Variants in FLVCR1 observed in about 807,000 individuals in gnomAD.
The protein encoded by FLVCR1 is choline/ethanolamine transporter FLVCR1.
In FLVCR1, 34 loss-of-function variants were observed where a neutral mutation model predicts 53.6. The observed-to-expected ratio is 0.63, with a 90% CI of 0.48 to 0.84. The LOEUF (loss-of-function observed/expected upper bound fraction) is 0.84, where lower values mean the gene tolerates loss of function less well. Ranked by LOEUF, FLVCR1 falls within the 40% of genes least tolerant of loss-of-function variation. The probability of loss-of-function intolerance (pLI) is 0.00; values close to 1 mark genes in which losing one functional copy is unlikely to be tolerated. For missense variants in FLVCR1, 677 were observed against 696.7 expected (o/e 0.97, Z 0.32); for synonymous variants, 300 against 286.3 (o/e 1.05, Z -0.48).
intron 3 of FLVCR1, among the ~76,000 whole-genome samples, chr1:212,878,067 G>A (rs956834669): frequency 1.3e-5 from 2 of 152,114 alleles, no homozygotes; most frequent in Admixed American, 1.3e-4. Flanking sequence ...ACTACATATT[G>A]TCTATAGCTG....
intron 8 of FLVCR1, 96 bp from the exon 9 acceptor site, chr1:212,894,890 G>A (rs1665292358): frequency 1.2e-6 from 1 of 808,308 alleles, no homozygotes; most frequent in African/African-American, 1.7e-5. Flanking sequence ...ACACTACAGT[G>A]CATTAAATTT....
chr1:212,887,352 A>C (rs999409339), intron 5 of FLVCR1, among the ~76,000 whole-genome samples: 2 of 152,170 alleles, frequency 1.3e-5, no homozygotes. Flanking sequence ...TCATTCACCA[A>C]ACTCCTGTTG....
intron 1 of FLVCR1, among the ~76,000 whole-genome samples, chr1:212,859,524 C>G (rs1209938044): frequency 6.6e-6 from 1 of 152,070 alleles, no homozygotes; most frequent in Non-Finnish European, 1.5e-5. Context: ...TCCAGACCAG[C>G]CTGGGCAACA....
intron 2 of FLVCR1, among the ~76,000 whole-genome samples, chr1:212,867,587 C>T (rs7544198): frequency 0.23 from 34,304 of 151,900 alleles, 4,512 homozygotes; most frequent in East Asian, 0.45. Flanking sequence ...ATTTTTTGTT[C>T]GAATTCAGAT....
Position 212,887,871 on chromosome 1 carries a change from C to CT in FLVCR1, c.1197-17dup, listed in dbSNP as rs764296612. On this transcript the variant is annotated intron_variant, in intron 5 of 9. Coordinates refer to ENST00000366971, the MANE Select transcript of FLVCR1 (RefSeq NM_014053.4). ...GGAGAATCAGACAAAATACTAACAGCTTTGTTGTTTTTGTTTTAGACAGAC... is the reference window on the plus strand; with the variant it reads ...GGAGAATCAGACAAAATACTAACAGCTTTTGTTGTTTTTGTTTTAGACAGAC... The CT allele has an allele frequency of 4.0e-6, 5 of 1,258,010 alleles. No individual in the cohort carries two copies. Among genetic ancestry groups the CT allele is most frequent in the Non-Finnish European group, 5.8e-6 (5 of 858,626 alleles). 77.9% of individuals were successfully genotyped at this position (1,258,010 alleles called of 1,614,324 possible).
At chr1:212,860,016 CT>C (rs1205575195) in intron 1 of FLVCR1, among the ~76,000 whole-genome samples, 2 of 151,978 alleles carry the variant, frequency 1.3e-5, no homozygotes, top group Non-Finnish European at 2.9e-5. Context: ...GGCGTGGTGG[CT>C]CACGCCTGTA....
At chr1:212,887,857 C>A in intron 5 of FLVCR1, 34 bp from the exon 6 acceptor site, 1 of 1,157,314 alleles carries the variant, frequency 8.6e-7, no homozygotes, top group Non-Finnish European at 1.3e-6. Flanking sequence ...GAGAATCAGA[C>A]AAAATACTAA....
At chr1:212,887,862 T>C in intron 5 of FLVCR1, 29 bp from the exon 6 acceptor site, 1 of 1,177,520 alleles carries the variant, frequency 8.5e-7, no homozygotes, top group Non-Finnish European at 1.3e-6. Context: ...TCAGACAAAA[T>C]ACTAACAGCT....
chr1:212,883,295 T>C lies in FLVCR1; in HGVS notation c.1025-76T>C, dbSNP rs920718884. ...TATTCCATGTCACTTCATGAACTGGTAAATGACACACTTTTAGTATTCTCT... is the reference window on the plus strand; with the variant it reads ...TATTCCATGTCACTTCATGAACTGGCAAATGACACACTTTTAGTATTCTCT... On this transcript the variant is annotated intron_variant, in intron 3 of 9. Transcript: ENST00000366971. 1.1e-5 allele frequency: 9 copies of C among 816,152 alleles called. No homozygotes were observed. The African/African-American group carries it at 1.5e-4, about 14-fold the overall frequency. The allele number at this position is 816,152 out of a possible 1,614,324, so 50.6% of individuals were successfully genotyped here.
chr1:212,881,350 T>C (rs1437869961), intron 3 of FLVCR1, among the ~76,000 whole-genome samples: 1 of 150,640 alleles, frequency 6.6e-6, no homozygotes, highest in Non-Finnish European at 1.5e-5. Flanking sequence ...CGAATTTCTT[T>C]TTTTTTGAGA....
chr1:212,874,193 G>A (rs1027199454), intron 3 of FLVCR1, among the ~76,000 whole-genome samples: 6 of 152,142 alleles, frequency 3.9e-5, no homozygotes, highest in African/African-American at 1.4e-4. Context: ...ATTTTTAGTA[G>A]AGAAGGGGTT....
intron 2 of FLVCR1, among the ~76,000 whole-genome samples, chr1:212,872,279 C>T (rs41296738): frequency 9.3e-4 from 141 of 152,178 alleles, no homozygotes; most frequent in African/African-American, 3.3e-3. Context: ...TGTGCCCAGC[C>T]TTCATGTTTA....
At chr1:212,885,645 G>A (rs981351581) in intron 5 of FLVCR1, 49 of 354,852 alleles carry the variant, frequency 1.4e-4, no homozygotes, top group African/African-American at 1.0e-3. Context: ...CTGTCTCCCG[G>A]CTTCACGCCA....
intron 3 of FLVCR1, among the ~76,000 whole-genome samples, chr1:212,879,111 C>T (rs1664851262): frequency 6.6e-6 from 1 of 152,170 alleles, no homozygotes; most frequent in Non-Finnish European, 1.5e-5. Flanking sequence ...TTAATCCTTA[C>T]AGGACCACTG....
chr1:212,859,226 T>G, intron 1 of FLVCR1, 36 bp downstream of exon 1: 1 of 1,613,456 alleles, frequency 6.2e-7, no homozygotes. Flanking sequence ...GTCAGATCCT[T>G]AAAAGACCGG....
At chr1:212,879,898 G>T (rs1316597158) in intron 3 of FLVCR1, among the ~76,000 whole-genome samples, 1 of 151,730 alleles carries the variant, frequency 6.6e-6, no homozygotes, top group Admixed American at 6.6e-5. Context: ...GAGAAAAGAT[G>T]ATTCCTTACT....
At chr1:212,893,562 G>A (rs766554357) in intron 8 of FLVCR1, among the ~76,000 whole-genome samples, 25 of 152,092 alleles carry the variant, frequency 1.6e-4, no homozygotes, top group Non-Finnish European at 2.6e-4. Context: ...TGCACACAGA[G>A]AGATCTTTCA....
Position 212,858,523 on chromosome 1 carries a change from C to A in FLVCR1, c.71C>A (p.Pro24Gln). ...CACCCGCTCGCGAAAGGATACCTCC[C>A]GTTGCCGAGGGGCGCGCCCGTTGGG... ...PGHPLAKGYL[P>Q]LPRGAPVGKE... The change falls in exon 1 of 10, where the codon CCG (proline) becomes CAG (glutamine). Residue 24 changes from proline (P) to glutamine (Q), a missense_variant. By Grantham distance (76) the Pro-to-Gln change is moderately conservative (BLOSUM62 -1). Transcript: ENST00000366971. The A allele has an allele frequency of 4.8e-6, 7 of 1,459,654 alleles. No individual in the cohort carries two copies. The highest frequency in any genetic ancestry group is 6.3e-6 in the Non-Finnish European group (7 of 1,108,312). The allele number at this position is 1,459,654 out of a possible 1,614,324, so 90.4% of individuals were successfully genotyped here. A position where few individuals can be genotyped will look rare whatever the true frequency, so the allele number is the denominator to read the frequency against.
In FLVCR1 at chr1:212,858,520, T is replaced by C. The variant is rs1231194356; in HGVS notation, c.68T>C (p.Leu23Pro). The change falls in exon 1 of 10, where the codon CTC becomes CCC. Residue 23 changes from leucine to proline, a missense_variant. By Grantham distance (98) the Leu-to-Pro change is moderately conservative (BLOSUM62 -3). Transcript: ENST00000366971. ...APGHPLAKGY[L>P]PLPRGAPVGK... The stretch of plus-strand genomic sequence containing the variant: ...GGACACCCGCTCGCGAAAGGATACC[T>C]CCCGTTGCCGAGGGGCGCGCCCGTT... 1 of 1,458,886 alleles carries C rather than the reference T, an allele frequency of 6.9e-7. No homozygotes were observed. 90.4% of individuals were successfully genotyped at this position (1,458,886 alleles called of 1,614,324 possible).
Sources: gnomAD v4.1 joint callset for allele counts (sites outside exome capture counted in the v4.1 genomes callset) on GRCh38, gnomAD v4.1.1 for gene constraint, MANE v1.5 for transcripts, NCBI Gene and HGNC (gene_info 2026-07-23, HGNC 2026-07-21) for gene names.